PIK3C2G: variants seen among roughly 807,000 people sequenced by gnomAD.
The protein encoded by PIK3C2G is phosphatidylinositol-4-phosphate 3-kinase catalytic subunit type 2 gamma, also known as phosphatidylinositol 3-kinase C2 domain-containing subunit gamma.
In PIK3C2G, 168 loss-of-function variants were observed where a neutral mutation model predicts 181.1. The observed-to-expected ratio is 0.93, with a 90% confidence interval of 0.82 to 1.05. PIK3C2G has a LOEUF of 1.05. Among genes scored for constraint, PIK3C2G ranks in the 50% least tolerant of loss-of-function variants. The pLI, the probability that PIK3C2G is intolerant of heterozygous loss-of-function variation, is 0.00. For synonymous variants in PIK3C2G, 573 were observed against 592.2 expected (o/e 0.97, Z 0.47); for missense variants, 1,869 against 1,732.8 (o/e 1.08, Z -1.40).
At chr12:18,304,265 A>G (rs7960490) in intron 5 of PIK3C2G, among the ~76,000 whole-genome samples, 94,396 of 151,952 alleles carry the variant, frequency 0.62, 29,414 homozygotes, top group East Asian at 0.75. Context: ...TAATTTGTTC[A>G]TTTTTTTTGA....
At chr12:18,658,151 G>A in the PIK3C2G span, among the ~76,000 whole-genome samples, 1 of 151,938 alleles carries the variant, frequency 6.6e-6, no homozygotes, top group East Asian at 1.9e-4. Flanking sequence ...CTAATCTGAG[G>A]AACAAAAGGA....
chr12:18,335,588 A>G (rs1410883193), intron 8 of PIK3C2G, among the ~76,000 whole-genome samples: 1 of 152,092 alleles, frequency 6.6e-6, no homozygotes, highest in African/African-American at 2.4e-5. Context: ...AAATACTCAC[A>G]TCACAATTCT....
chr12:18,591,601 G>T, intron 29 of PIK3C2G, among the ~76,000 whole-genome samples: 1 of 151,848 alleles, frequency 6.6e-6, no homozygotes, highest in Non-Finnish European at 1.5e-5. Context: ...TAAGCATTAA[G>T]CACCAGATGA....
At chr12:18,452,124 TGGAATAGTTTCAGAA>T (rs1446980507) in intron 18 of PIK3C2G, among the ~76,000 whole-genome samples, 1 of 152,236 alleles carries the variant, frequency 6.6e-6, no homozygotes, top group African/African-American at 2.4e-5. Context: ...TTCTATTGTT[TGGAATAGTTTCAGAA>T]GGAATGGTAC....
intron 20 of PIK3C2G, 24 bp downstream of exon 20, chr12:18,491,582 T>A: frequency 8.0e-7 from 1 of 1,254,056 alleles, no homozygotes; most frequent in Non-Finnish European, 1.2e-6. Context: ...TTCCTCAGAT[T>A]AATGGAATAT....
intron 24 of PIK3C2G, among the ~76,000 whole-genome samples, chr12:18,524,413 C>T (rs1359265027): frequency 6.6e-6 from 1 of 152,116 alleles, no homozygotes; most frequent in East Asian, 1.9e-4. Flanking sequence ...TGGATAGTTG[C>T]TAATTGAATT....
rs1592088064 is a variant in PIK3C2G at position 18,371,067 on chromosome 12, C to T, written c.1749-113C>T. 5.0e-6 allele frequency: 4 copies of T among 797,718 alleles called. No individual in the cohort carries two copies. The East Asian group carries it at 9.8e-5, about 20-fold the overall frequency. The allele number at this position is 797,718 out of a possible 1,614,324, so 49.4% of individuals were successfully genotyped here. On this transcript the variant is annotated intron_variant, in intron 12 of 32. Transcript: ENST00000538779. ...TAAACAAAAAATTTCAAGAGGCAGCCTCAATTCAAATAGTTAAATATCTTT... is the reference window on the plus strand; with the variant it reads ...TAAACAAAAAATTTCAAGAGGCAGCTTCAATTCAAATAGTTAAATATCTTT...
chr12:18,399,738 C>G lies in PIK3C2G; in HGVS notation c.2206C>G (p.Leu736Val). The G allele has an allele frequency of 1.2e-6, 2 of 1,606,398 alleles. No individual in the cohort carries two copies. Residue 736 changes from leucine to valine, a missense_variant, in exon 16 of 33, where the codon CTG (leucine) becomes GTG (valine). Transcript: ENST00000538779. Reference sequence around the variant, plus strand: ...TGAAAACTGCTCCCTTCCTTTAGTCCTGGGTAGTGCCCCTGGATGGGATGA... The same window carrying G: ...TGAAAACTGCTCCCTTCCTTTAGTCGTGGGTAGTGCCCCTGGATGGGATGA... ...NNENCSLPLV[L>V]GSAPGWDERT...
At chr12:18,512,805 C>A (rs1592455629) in intron 24 of PIK3C2G, among the ~76,000 whole-genome samples, 1 of 151,990 alleles carries the variant, frequency 6.6e-6, no homozygotes, top group South Asian at 2.1e-4. Context: ...TCTTGCCTAA[C>A]TGCTCTGGCA....
intron 22 of PIK3C2G, among the ~76,000 whole-genome samples, chr12:18,502,390 C>T (rs1457862302): frequency 6.6e-6 from 1 of 152,156 alleles, no homozygotes. Context: ...ATATTTGTGT[C>T]CCTGGTCTCT....
intron 1 of PIK3C2G, among the ~76,000 whole-genome samples, chr12:18,270,706 T>C (rs1948711745): frequency 6.6e-6 from 1 of 152,184 alleles, no homozygotes; most frequent in Non-Finnish European, 1.5e-5. Flanking sequence ...TAATGCTTTA[T>C]AAATATAAAT....
chr12:18,405,126 C>A (rs137946061), intron 16 of PIK3C2G, among the ~76,000 whole-genome samples: 85 of 152,172 alleles, frequency 5.6e-4, no homozygotes, highest in African/African-American at 2.0e-3. Flanking sequence ...AGCAAATTTA[C>A]GTAGTGAACG....
At chr12:18,394,313 C>G (rs1043631048) in intron 15 of PIK3C2G, among the ~76,000 whole-genome samples, 2 of 152,090 alleles carry the variant, frequency 1.3e-5, no homozygotes, top group Admixed American at 1.3e-4. Flanking sequence ...AAAATGAGAT[C>G]TGACCCCTGA....
At chr12:18,625,963 T>A (rs773592230) in intron 31 of PIK3C2G, among the ~76,000 whole-genome samples, 14 of 151,922 alleles carry the variant, frequency 9.2e-5, no homozygotes, top group Non-Finnish European at 1.6e-4. Flanking sequence ...TGTATTTTTT[T>A]ATCCATTACC....
chr12:18,713,827 TA>T, the PIK3C2G span: 1 of 152,178 alleles, frequency 6.6e-6, no homozygotes, highest in African/African-American at 2.4e-5. Flanking sequence ...TTTTTCTACC[TA>T]AAAAATAAAT....
intron 16 of PIK3C2G, among the ~76,000 whole-genome samples, chr12:18,419,049 T>C (rs541841910): frequency 1.3e-5 from 2 of 152,270 alleles, no homozygotes; most frequent in Admixed American, 1.3e-4. Flanking sequence ...AGTAAAGATG[T>C]TTACGTGTAA....
intron 9 of PIK3C2G, among the ~76,000 whole-genome samples, chr12:18,342,640 T>C (rs1415084448): frequency 1.3e-5 from 2 of 151,936 alleles, no homozygotes. Flanking sequence ...ACAGTTTTCA[T>C]GATAGTTTAG....
At chr12:18,609,404 T>A in intron 30 of PIK3C2G, 131 bp from the exon 31 acceptor site, 1 of 592,468 alleles carries the variant, frequency 1.7e-6, no homozygotes, top group South Asian at 2.1e-5. Context: ...GCATTAAGAT[T>A]CTTCAACATT....
At chr12:18,364,517 C>A (rs1296767557) in intron 12 of PIK3C2G, among the ~76,000 whole-genome samples, 1 of 152,022 alleles carries the variant, frequency 6.6e-6, no homozygotes, top group Non-Finnish European at 1.5e-5. Context: ...ATTTAGTCGA[C>A]AGCAGGTAAA....
Sources: gnomAD v4.1 joint callset for allele counts (sites outside exome capture counted in the v4.1 genomes callset) on GRCh38, gnomAD v4.1.1 for gene constraint, MANE v1.5 for transcripts, NCBI Gene and HGNC (gene_info 2026-07-23, HGNC 2026-07-21) for gene names.